VPS13A: variants seen among roughly 807,000 people sequenced by gnomAD.
VPS13A encodes the protein vacuolar protein sorting 13 homolog A.
A neutral mutation model predicts 390.9 loss-of-function variants in VPS13A; 264 were observed. The observed-to-expected ratio is 0.68, with a 90% confidence interval of 0.61 to 0.75. VPS13A has a LOEUF of 0.75. Ranked by LOEUF, VPS13A falls within the 30% of genes least tolerant of loss-of-function variation. VPS13A has a pLI of 0.00. For missense variants in VPS13A, 3,409 were observed against 3,733.9 expected, an observed-to-expected ratio of 0.91 and a Z score of 2.27; for synonymous variants, 1,231 against 1,227.1, an observed-to-expected ratio of 1.00 and a Z score of -0.07.
intron 20 of VPS13A, among the ~76,000 whole-genome samples, chr9:77,247,878 C>T (rs908937058): frequency 2.6e-5 from 4 of 152,120 alleles, no homozygotes; most frequent in African/African-American, 7.2e-5. Flanking sequence ...AGACTGGTCT[C>T]GAATGCCTGT....
At chr9:77,216,522 A>G (rs1011011110) in intron 10 of VPS13A, among the ~76,000 whole-genome samples, 2 of 152,192 alleles carry the variant, frequency 1.3e-5, no homozygotes, top group Non-Finnish European at 2.9e-5. Flanking sequence ...ATATAGGAGC[A>G]TAGTTAATTT....
Position 77,221,447 on chromosome 9 carries a change from A to G in VPS13A, c.1161+91A>G, listed in dbSNP as rs1823209227. ...CTGATACTCCCTACCTTTCATTCCA[A>G]TTTTTATTGACCTTTTCATCTCTTT... On this transcript the variant is annotated intron_variant, in intron 13 of 71. Coordinates refer to ENST00000360280, the MANE Select transcript of VPS13A (RefSeq NM_033305.3). The G allele has an allele frequency of 2.2e-6, 3 of 1,389,222 alleles. No individual in the cohort carries two copies. In the South Asian group the frequency reaches 3.7e-5, roughly 17 times the overall value. 86.1% of individuals were successfully genotyped at this position (1,389,222 alleles called of 1,614,324 possible). A position where few individuals can be genotyped will look rare whatever the true frequency, so the allele number is the denominator to read the frequency against.
intron 31 of VPS13A, among the ~76,000 whole-genome samples, chr9:77,289,049 G>A (rs1176933770): frequency 6.6e-6 from 1 of 152,112 alleles, no homozygotes; most frequent in Admixed American, 6.6e-5. Flanking sequence ...GGTTTGAATG[G>A]TCTATCTTTT....
intron 59 of VPS13A, among the ~76,000 whole-genome samples, chr9:77,360,928 C>T (rs1423436354): frequency 1.3e-5 from 2 of 151,998 alleles, no homozygotes; most frequent in African/African-American, 2.4e-5. Context: ...GCTTTGCTTT[C>T]ACTTTAATAA....
intron 68 of VPS13A, among the ~76,000 whole-genome samples, chr9:77,394,096 A>T (rs1406580716): frequency 6.6e-6 from 1 of 150,744 alleles, no homozygotes; most frequent in Non-Finnish European, 1.5e-5. Flanking sequence ...TAAGAGTCTC[A>T]CTCTGTCACC....
chr9:77,187,995 G>A (rs1359421961), intron 1 of VPS13A, among the ~76,000 whole-genome samples: 1 of 152,150 alleles, frequency 6.6e-6, no homozygotes, highest in Non-Finnish European at 1.5e-5. Context: ...TGGAGGTGGG[G>A]ACTGGTGGGA....
intron 22 of VPS13A, among the ~76,000 whole-genome samples, chr9:77,257,259 G>C (rs915656069): frequency 1.3e-5 from 2 of 151,964 alleles, no homozygotes; most frequent in African/African-American, 4.8e-5. Flanking sequence ...TTTTTAGACA[G>C]GGTCTTGTTC....
At chr9:77,195,359 C>T (rs1310724268) in intron 1 of VPS13A, among the ~76,000 whole-genome samples, 1 of 152,176 alleles carries the variant, frequency 6.6e-6, no homozygotes. Context: ...CTCCTGACCT[C>T]GTGATCTGCC....
chr9:77,302,759 CAG>C (rs1301492110), intron 33 of VPS13A, among the ~76,000 whole-genome samples, 154 bp from the exon 34 acceptor site: 18 of 151,766 alleles, frequency 1.2e-4, no homozygotes, highest in African/African-American at 4.1e-4. Flanking sequence ...CTCATTTTGA[CAG>C]ATAAAAAAAA....
chr9:77,272,740 A>T (rs1587467771), intron 23 of VPS13A, among the ~76,000 whole-genome samples: 1 of 152,234 alleles, frequency 6.6e-6, no homozygotes, highest in African/African-American at 2.4e-5. Context: ...GGAGGAACAC[A>T]TAAGAAGATG....
At chr9:77,335,514 A>G (rs1587607983) in intron 46 of VPS13A, among the ~76,000 whole-genome samples, 1 of 152,340 alleles carries the variant, frequency 6.6e-6, no homozygotes, top group East Asian at 1.9e-4. Context: ...TTTACAAGAA[A>G]AAAACAACCC....
chr9:77,382,368 T>TA, intron 68 of VPS13A: 2 of 1,497,336 alleles, frequency 1.3e-6, no homozygotes, highest in Non-Finnish European at 1.8e-6. Flanking sequence ...ACAAACTACG[T>TA]ACAGCTGTTT....
rs768135367 is a variant in VPS13A at position 77,210,666 on chromosome 9, G to A, written c.546G>A (p.Leu182=). The change falls in exon 7 of 72, where the codon CTG becomes CTA. Residue 182 remains leucine, a synonymous_variant. Transcript: ENST00000360280. ...CATTTGGTATTTCCCTTCAAAATCTGAGCATGCAGGTATTTTGTTTATAAA... is the reference window on the plus strand; with the variant it reads ...CATTTGGTATTTCCCTTCAAAATCTAAGCATGCAGGTATTTTGTTTATAAA... The part of the protein sequence containing the change: ...PLSFGISLQN[L]SMQTTDQYWV... 3.0e-5 allele frequency: 48 copies of A among 1,613,662 alleles called. 2 individuals carry two copies. In the South Asian group the frequency reaches 5.1e-4, roughly 17 times the overall value.
intron 68 of VPS13A, among the ~76,000 whole-genome samples, chr9:77,399,657 T>C (rs1384987006): frequency 6.6e-6 from 1 of 152,180 alleles, no homozygotes; most frequent in Non-Finnish European, 1.5e-5. Context: ...AAATGAATCT[T>C]TGAAAGCCAG....
intron 54 of VPS13A, among the ~76,000 whole-genome samples, chr9:77,356,237 C>T (rs190277836): frequency 1.3e-5 from 2 of 152,140 alleles, no homozygotes; most frequent in Non-Finnish European, 2.9e-5. Flanking sequence ...TTTTCCTCCT[C>T]TTGTCTGCTG....
At chr9:77,194,894 A>T (rs1017802889) in intron 1 of VPS13A, among the ~76,000 whole-genome samples, 1 of 151,928 alleles carries the variant, frequency 6.6e-6, no homozygotes, top group African/African-American at 2.4e-5. Context: ...CTCTGTGTCT[A>T]CTTGGCCACC....
intron 52 of VPS13A, among the ~76,000 whole-genome samples, chr9:77,348,836 C>T (rs1831306452): frequency 6.6e-6 from 1 of 152,064 alleles, no homozygotes; most frequent in African/African-American, 2.4e-5. Flanking sequence ...CATTGCCTGT[C>T]CCAGGTAGTC....
chr9:77,363,493 C>T (rs895768430), intron 59 of VPS13A, among the ~76,000 whole-genome samples: 6 of 151,056 alleles, frequency 4.0e-5, no homozygotes, highest in South Asian at 2.1e-4. Flanking sequence ...CTACAACCTC[C>T]GCCTCGTGGG....
chr9:77,205,830 TTCGC>T, intron 4 of VPS13A, 144 bp from the exon 5 acceptor site: 1 of 539,996 alleles, frequency 1.9e-6, no homozygotes, highest in Non-Finnish European at 3.4e-6. Flanking sequence ...GACCTCATGA[TTCGC>T]CCAGCTTGGC....
Sources: allele counts gnomAD v4.1 joint callset (sites outside exome capture counted in the v4.1 genomes callset), GRCh38; gene constraint gnomAD v4.1.1; transcripts MANE v1.5; gene names NCBI Gene and HGNC (gene_info 2026-07-23, HGNC 2026-07-21).